RBFOX1: variants seen among roughly 807,000 people sequenced by gnomAD.
The protein encoded by RBFOX1 is RNA binding fox-1 homolog 1.
RBFOX1 carries 8 observed loss-of-function variants against 57.7 expected under a neutral mutation model. The observed-to-expected ratio is 0.14, with a 90% confidence interval of 0.08 to 0.25. The LOEUF is 0.25. Among genes scored for constraint, RBFOX1 ranks in the 10% least tolerant of loss-of-function variants. RBFOX1 has a pLI of 1.00. For missense variants in RBFOX1, 611 were observed against 548.5 expected (o/e 1.11, Z -1.14); for synonymous variants, 326 against 222.4 (o/e 1.47, Z -4.15).
At chr16:5,294,952 C>G (rs1188012307) in intron 1 of RBFOX1, among the ~76,000 whole-genome samples, 1 of 149,152 alleles carries the variant, frequency 6.7e-6, no homozygotes, top group African/African-American at 2.4e-5. Context: ...ATCCCTTGAG[C>G]CCAGGAGGCA....
intron 2 of RBFOX1, among the ~76,000 whole-genome samples, chr16:5,490,449 C>T (rs536878402): frequency 3.3e-5 from 5 of 152,302 alleles, no homozygotes; most frequent in South Asian, 2.1e-4. Context: ...TGTAGGTGCT[C>T]GGCCTTGTGG....
At chr16:6,982,829 C>T (rs1319967960) in intron 3 of RBFOX1, among the ~76,000 whole-genome samples, 2 of 151,914 alleles carry the variant, frequency 1.3e-5, no homozygotes, top group African/African-American at 4.8e-5. Context: ...CCTGTCTCTA[C>T]TAAAAATACA....
At chr16:6,404,096 A>ATGGACTCGGCC in intron 2 of RBFOX1, among the ~76,000 whole-genome samples, 1 of 152,192 alleles carries the variant, frequency 6.6e-6, no homozygotes, top group East Asian at 1.9e-4. Context: ...TGGACTCGGC[A>ATGGACTCGGCC]TCCATGGAGT....
chr16:6,596,892 A>G (rs2097781328), intron 2 of RBFOX1, among the ~76,000 whole-genome samples: 1 of 152,178 alleles, frequency 6.6e-6, no homozygotes, highest in African/African-American at 2.4e-5. Context: ...AGATGTAAAT[A>G]TACACACCCT....
At chr16:7,112,572 C>T (rs372867688) in intron 4 of RBFOX1, among the ~76,000 whole-genome samples, 1 of 151,824 alleles carries the variant, frequency 6.6e-6, no homozygotes, top group Admixed American at 6.6e-5. Context: ...CTATTCAGAA[C>T]CTATAATAGC....
At chr16:6,170,228 T>C (rs774171247) in intron 1 of RBFOX1, among the ~76,000 whole-genome samples, 1 of 152,186 alleles carries the variant, frequency 6.6e-6, no homozygotes, top group Non-Finnish European at 1.5e-5. Flanking sequence ...AATGAGAGAC[T>C]ATGAAAGCCG....
intron 3 of RBFOX1, among the ~76,000 whole-genome samples, chr16:6,997,263 C>A (rs1041272203): frequency 6.6e-6 from 1 of 150,858 alleles, no homozygotes; most frequent in Non-Finnish European, 1.5e-5. Flanking sequence ...TCAACTTCTC[C>A]TTCTAGTAAA....
intron 2 of RBFOX1, among the ~76,000 whole-genome samples, chr16:5,559,218 A>G (rs2045798370): frequency 6.7e-6 from 1 of 148,692 alleles, no homozygotes; most frequent in South Asian, 2.1e-4. Flanking sequence ...CTGGAAGAGT[A>G]CTTTGCCACC....
intron 2 of RBFOX1, among the ~76,000 whole-genome samples, chr16:5,480,534 G>C (rs2069499819): frequency 3.3e-5 from 5 of 152,180 alleles, no homozygotes; most frequent in African/African-American, 1.2e-4. Context: ...AAATGGTATA[G>C]AAAGATGCAC....
chr16:5,851,784 G>T (rs1398801394), intron 3 of RBFOX1, among the ~76,000 whole-genome samples: 2 of 152,186 alleles, frequency 1.3e-5, no homozygotes, highest in African/African-American at 4.8e-5. Flanking sequence ...CAGGAAAACC[G>T]CAAGTTTAGC....
intron 2 of RBFOX1, among the ~76,000 whole-genome samples, chr16:6,547,279 G>A (rs927126258): frequency 3.3e-5 from 5 of 152,076 alleles, no homozygotes; most frequent in East Asian, 3.9e-4. Flanking sequence ...TACCAGCCCC[G>A]GCTGGTGATT....
intron 2 of RBFOX1, among the ~76,000 whole-genome samples, chr16:6,589,917 C>T (rs1055143400): frequency 1.3e-5 from 2 of 152,180 alleles, no homozygotes; most frequent in South Asian, 2.1e-4. Context: ...GCAGTTTCAA[C>T]TCCACCTGTA....
At chr16:6,891,123 G>T (rs2065313461) in intron 3 of RBFOX1, among the ~76,000 whole-genome samples, 1 of 152,154 alleles carries the variant, frequency 6.6e-6, no homozygotes, top group Admixed American at 6.5e-5. Context: ...ATTCATTAGT[G>T]ACTTTCAGTT....
chr16:6,483,295 C>A, intron 2 of RBFOX1: 2 of 1,391,728 alleles, frequency 1.4e-6, no homozygotes, highest in East Asian at 2.8e-5. Context: ...ACGGGCTGCT[C>A]GCTCTCGCGC....
chr16:5,727,138 G>A (rs1398227204), intron 3 of RBFOX1, among the ~76,000 whole-genome samples: 1 of 152,090 alleles, frequency 6.6e-6, no homozygotes, highest in Non-Finnish European at 1.5e-5. Flanking sequence ...GTTCTTTCAT[G>A]TGCCTGTAAT....
At chr16:6,459,931 C>G (rs2094872512) in intron 2 of RBFOX1, among the ~76,000 whole-genome samples, 1 of 122,388 alleles carries the variant, frequency 8.2e-6, no homozygotes, top group Admixed American at 1.1e-4. Context: ...TTGTGGTGAG[C>G]TGAGATAGTG....
At chr16:7,298,939 C>G (rs1447916677) in intron 4 of RBFOX1, among the ~76,000 whole-genome samples, 2 of 152,128 alleles carry the variant, frequency 1.3e-5, no homozygotes, top group Non-Finnish European at 2.9e-5. Context: ...CTGTATAGTT[C>G]AAATCTGTGT....
chr16:6,900,829 G>C (rs2068292996), intron 3 of RBFOX1, among the ~76,000 whole-genome samples: 1 of 152,134 alleles, frequency 6.6e-6, no homozygotes, highest in Non-Finnish European at 1.5e-5. Context: ...AACATGTTAT[G>C]GTTGTTGAGT....
chr16:6,562,607 C>G lies in RBFOX1; in HGVS notation c.-63-91996C>G, dbSNP rs990756668. Among the ~76,000 whole-genome samples, 3 of 152,150 alleles carry G rather than the reference C, an allele frequency of 2.0e-5. No homozygotes were observed. The South Asian group carries it at 6.2e-4, about 31-fold the overall frequency. On this transcript the variant is annotated intron_variant, in intron 2 of 15. Transcript: ENST00000550418. The stretch of plus-strand genomic sequence containing the variant: ...AGGTTATAAGTGGTTGTGCAAGTTT[C>G]TAAACATCTTGCATGTACTAATAAA...
Sources: gnomAD v4.1 joint callset for allele counts (sites outside exome capture counted in the v4.1 genomes callset) on GRCh38, gnomAD v4.1.1 for gene constraint, MANE v1.5 for transcripts, NCBI Gene and HGNC (gene_info 2026-07-23, HGNC 2026-07-21) for gene names.